Variants in DSCAM observed in about 807,000 individuals in gnomAD.
DSCAM encodes the protein cell adhesion molecule DSCAM.
DSCAM carries 47 observed loss-of-function variants against 217.7 expected under a neutral mutation model. The ratio of observed to expected loss-of-function variants is 0.22; its 90% CI spans 0.17 to 0.28. The LOEUF (loss-of-function observed/expected upper bound fraction) is 0.28, where lower values mean the gene tolerates loss of function less well. Ranked by LOEUF, DSCAM falls within the 10% of genes least tolerant of loss-of-function variation. The probability of loss-of-function intolerance (pLI) is 1.00; values close to 1 mark genes in which losing one functional copy is unlikely to be tolerated. For synonymous variants in DSCAM, 1,056 were observed against 1,015.3 expected (o/e 1.04, Z -0.76); for missense variants, 2,080 against 2,618.3 (o/e 0.79, Z 4.49).
intron 3 of DSCAM, among the ~76,000 whole-genome samples, chr21:40,432,274 A>T (rs919019147): frequency 1.1e-4 from 16 of 150,804 alleles, no homozygotes; most frequent in Admixed American, 2.7e-4. Context: ...GGCTAAAATC[A>T]AGGTGTTGGC....
intron 11 of DSCAM, among the ~76,000 whole-genome samples, chr21:40,267,213 G>A (rs1257757760): frequency 2.1e-5 from 3 of 143,906 alleles, no homozygotes; most frequent in Admixed American, 2.1e-4. Context: ...ACAAGTAACA[G>A]GTCATCTGGA....
At chr21:40,072,591 G>C (rs9974083) in intron 27 of DSCAM, among the ~76,000 whole-genome samples, 4 of 151,668 alleles carry the variant, frequency 2.6e-5, no homozygotes, top group South Asian at 2.1e-4. Context: ...CTCGTGATCC[G>C]CCCACCTTGG....
intron 8 of DSCAM, among the ~76,000 whole-genome samples, chr21:40,317,364 T>TGTATG (rs1311609722): frequency 2.0e-5 from 3 of 152,294 alleles, no homozygotes; most frequent in Non-Finnish European, 4.4e-5. Context: ...TCAAAACTCT[T>TGTATG]GTATGGAATT....
intron 3 of DSCAM, among the ~76,000 whole-genome samples, chr21:40,632,843 G>A (rs1358116422): frequency 2.6e-5 from 4 of 152,106 alleles, no homozygotes; most frequent in South Asian, 2.1e-4. Flanking sequence ...GACCATGTGC[G>A]AATCCCTTCA....
At chr21:40,342,648 A>ATATTTTTT (rs61637421) in intron 6 of DSCAM, among the ~76,000 whole-genome samples, 18 of 80,306 alleles carry the variant, frequency 2.2e-4, no homozygotes, top group South Asian at 5.2e-4. Context: ...ATATATATAT[A>ATATTTTTT]TTTTTTTTTT....
intron 10 of DSCAM, among the ~76,000 whole-genome samples, chr21:40,292,757 T>G (rs568289034): frequency 2.8e-4 from 43 of 152,248 alleles, no homozygotes; most frequent in South Asian, 1.5e-3. Context: ...TTCCTTTTTT[T>G]TTTGAGATGG....
At chr21:40,730,766 G>A (rs2091003602) in intron 1 of DSCAM, among the ~76,000 whole-genome samples, 1 of 152,202 alleles carries the variant, frequency 6.6e-6, no homozygotes, top group African/African-American at 2.4e-5. Context: ...CAAATCAGTA[G>A]ATTTAGAGTA....
At chr21:40,113,603 G>C (rs2089928572) in intron 20 of DSCAM, among the ~76,000 whole-genome samples, 1 of 152,080 alleles carries the variant, frequency 6.6e-6, no homozygotes, top group Non-Finnish European at 1.5e-5. Context: ...ATTCAAGTAG[G>C]AAAAGAGGAA....
At chr21:40,226,719 G>T (rs892376768) in intron 11 of DSCAM, among the ~76,000 whole-genome samples, 6 of 152,094 alleles carry the variant, frequency 3.9e-5, no homozygotes, top group Non-Finnish European at 7.4e-5. Context: ...CATTTATGTT[G>T]TTTATACTTC....
intron 5 of DSCAM, among the ~76,000 whole-genome samples, chr21:40,351,721 A>G (rs1036071059): frequency 6.6e-6 from 1 of 152,152 alleles, no homozygotes; most frequent in Non-Finnish European, 1.5e-5. Flanking sequence ...TAGATGTGGA[A>G]GAAGGGAACA....
chr21:40,793,228 G>A (rs1296592309), intron 1 of DSCAM, among the ~76,000 whole-genome samples: 1 of 152,170 alleles, frequency 6.6e-6, no homozygotes, highest in Non-Finnish European at 1.5e-5. Context: ...TTCATACCAC[G>A]TGCCAAGAAG....
At chr21:40,408,756 GA>G (rs2075299280) in intron 3 of DSCAM, among the ~76,000 whole-genome samples, 1 of 152,144 alleles carries the variant, frequency 6.6e-6, no homozygotes, top group South Asian at 2.1e-4. Flanking sequence ...CACACAGCTG[GA>G]GTGACGTGTT....
At chr21:40,626,964 A>G (rs1054788562) in intron 3 of DSCAM, among the ~76,000 whole-genome samples, 1 of 152,232 alleles carries the variant, frequency 6.6e-6, no homozygotes, top group Non-Finnish European at 1.5e-5. Flanking sequence ...TTTACGTATC[A>G]AGAAAACAAC....
At chr21:40,468,433 G>A (rs1196418246) in intron 3 of DSCAM, among the ~76,000 whole-genome samples, 1 of 152,192 alleles carries the variant, frequency 6.6e-6, no homozygotes, top group African/African-American at 2.4e-5. Flanking sequence ...CACTATTTCA[G>A]AGACTTATAA....
Position 40,696,512 on chromosome 21 carries a change from G to A in DSCAM, c.362-3556C>T, listed in dbSNP as rs950263130. ...GTCATTGGCTTAGGGCTGGCCTCAG[G>A]AGGATGGAACTCCCAGGCATTTCCC... On this transcript the variant is annotated intron_variant, in intron 2 of 32. Coordinates refer to ENST00000400454, the MANE Select transcript of DSCAM (RefSeq NM_001389.5). 5.3e-5 allele frequency among the ~76,000 whole-genome samples: 8 copies of A among 152,170 alleles called. No individual in the cohort carries two copies. The East Asian group carries it at 1.5e-3, about 29-fold the overall frequency.
At chr21:40,651,932 A>G (rs2090018758) in intron 3 of DSCAM, among the ~76,000 whole-genome samples, 1 of 152,272 alleles carries the variant, frequency 6.6e-6, no homozygotes, top group South Asian at 2.1e-4. Context: ...TTAATAAGGG[A>G]CAGGCACAAA....
At chr21:40,732,344 T>G (rs903692396) in intron 1 of DSCAM, among the ~76,000 whole-genome samples, 3 of 152,214 alleles carry the variant, frequency 2.0e-5, no homozygotes, top group African/African-American at 7.2e-5. Flanking sequence ...TGCCCAACAT[T>G]GAACATACTG....
chr21:40,498,404 G>T (rs908304167), intron 3 of DSCAM, among the ~76,000 whole-genome samples: 1 of 151,664 alleles, frequency 6.6e-6, no homozygotes, highest in African/African-American at 2.4e-5. Flanking sequence ...ACAGTGGCTG[G>T]CCCATGGGCT....
At chr21:40,258,233 T>C (rs2073401058) in intron 11 of DSCAM, among the ~76,000 whole-genome samples, 1 of 152,164 alleles carries the variant, frequency 6.6e-6, no homozygotes, top group Admixed American at 6.5e-5. Context: ...GAGATCTTCT[T>C]CTATGTCTGG....
Sources: allele counts gnomAD v4.1 joint callset (sites outside exome capture counted in the v4.1 genomes callset), GRCh38; gene constraint gnomAD v4.1.1; transcripts MANE v1.5; gene names NCBI Gene and HGNC (gene_info 2026-07-23, HGNC 2026-07-21).